Variants in SLC35D4 observed in about 807,000 individuals in gnomAD.
SLC35D4 encodes UDP-N-acetylglucosamine transporter SLC35D4.
At chr18:23,303,648 C>T in the SLC35D4 span, among the ~76,000 whole-genome samples, 6 of 152,230 alleles carry the variant, frequency 3.9e-5, no homozygotes, top group African/African-American at 1.4e-4. Flanking sequence ...CGCCTGTAAT[C>T]CCAGCACTTT....
the SLC35D4 span, among the ~76,000 whole-genome samples, chr18:23,264,352 CCTTTTTTT>C: frequency 7.6e-5 from 9 of 118,702 alleles, no homozygotes; most frequent in African/African-American, 2.7e-4. Context: ...ACACTTTATT[CCTTTTTTT>C]TTTTTTTTTT....
At chr18:23,353,827 C>A in the SLC35D4 span, among the ~76,000 whole-genome samples, 1 of 152,206 alleles carries the variant, frequency 6.6e-6, no homozygotes, top group African/African-American at 2.4e-5. Flanking sequence ...CCAAATCCCC[C>A]TTCCCACCTT....
chr18:23,414,878 G>A, the SLC35D4 span, among the ~76,000 whole-genome samples: 2 of 152,130 alleles, frequency 1.3e-5, no homozygotes, highest in Non-Finnish European at 2.9e-5. Flanking sequence ...ACTTTGAGAG[G>A]CCATCAGGAG....
chr18:23,265,264 G>A, the SLC35D4 span, among the ~76,000 whole-genome samples: 17 of 152,170 alleles, frequency 1.1e-4, 1 homozygote, highest in Middle Eastern at 3.4e-3. Context: ...TGTGTTCCAC[G>A]GCCCAGCCTC....
At chr18:23,314,871 A>G in the SLC35D4 span, among the ~76,000 whole-genome samples, 1 of 152,238 alleles carries the variant, frequency 6.6e-6, no homozygotes, top group African/African-American at 2.4e-5. Context: ...TGTCAGCCGC[A>G]GGGCTTTGAA....
At chr18:23,407,012 G>A in the SLC35D4 span, among the ~76,000 whole-genome samples, 2 of 152,056 alleles carry the variant, frequency 1.3e-5, no homozygotes, top group African/African-American at 4.8e-5. Context: ...GTCTCCCTGT[G>A]TTTCTCAGGC....
the SLC35D4 span, among the ~76,000 whole-genome samples, chr18:23,369,558 G>A: frequency 6.6e-6 from 1 of 152,186 alleles, no homozygotes; most frequent in African/African-American, 2.4e-5. Context: ...CTGTCCCTCT[G>A]TGCTTGATGC....
At chr18:23,287,144 C>A in the SLC35D4 span, among the ~76,000 whole-genome samples, 3 of 152,288 alleles carry the variant, frequency 2.0e-5, no homozygotes, top group East Asian at 5.8e-4. Context: ...ACAATTCCCC[C>A]ATTTTACCTG....
chr18:23,258,278 A>G, the SLC35D4 span: 5 of 152,636 alleles, frequency 3.3e-5, no homozygotes, highest in East Asian at 9.6e-4. Context: ...CCTGTCCTCT[A>G]TGTTAGAGTG....
At chr18:23,275,016 T>TGCGTGAGTGTGCGTATGC in the SLC35D4 span, among the ~76,000 whole-genome samples, 1 of 149,216 alleles carries the variant, frequency 6.7e-6, no homozygotes, top group Non-Finnish European at 1.5e-5. Context: ...TGTATGTGTG[T>TGCGTGAGTGTGCGTATGC]GCTTGTGTGT....
the SLC35D4 span, among the ~76,000 whole-genome samples, chr18:23,314,093 G>A: frequency 2.0e-5 from 3 of 152,136 alleles, no homozygotes; most frequent in Non-Finnish European, 2.9e-5. Context: ...ATGCTCCAGC[G>A]GACACTACAC....
the SLC35D4 span, among the ~76,000 whole-genome samples, chr18:23,246,472 A>G: frequency 9.9e-5 from 15 of 151,894 alleles, no homozygotes; most frequent in South Asian, 2.1e-4. Context: ...GCTCACTGCA[A>G]GCTCCGCCTC....
the SLC35D4 span, among the ~76,000 whole-genome samples, chr18:23,339,811 C>T: frequency 1.2e-4 from 19 of 152,138 alleles, no homozygotes; most frequent in Admixed American, 4.6e-4. Context: ...CTCTCTGGGA[C>T]CTCTTTTACA....
chr18:23,308,324 G>A, the SLC35D4 span, among the ~76,000 whole-genome samples: 8 of 152,132 alleles, frequency 5.3e-5, no homozygotes, highest in East Asian at 3.9e-4. Flanking sequence ...CTGATTTGGC[G>A]AACGATCTAT....
At chr18:23,334,320 A>C in the SLC35D4 span, among the ~76,000 whole-genome samples, 3 of 152,170 alleles carry the variant, frequency 2.0e-5, no homozygotes, top group Non-Finnish European at 4.4e-5. Context: ...CTTGTGCAGC[A>C]ATCCCCACCC....
At chr18:23,257,186 A>G in the SLC35D4 span, 1 of 1,604,488 alleles carries the variant, frequency 6.2e-7, no homozygotes, top group Non-Finnish European at 8.5e-7. Flanking sequence ...TAGGATTTTA[A>G]TTTCAAAATG....
chr18:23,247,250 A>G, the SLC35D4 span, among the ~76,000 whole-genome samples: 1 of 152,208 alleles, frequency 6.6e-6, no homozygotes, highest in Non-Finnish European at 1.5e-5. Flanking sequence ...CCGGAGAATC[A>G]TGACCTCCTG....
At chr18:23,355,290 C>T in the SLC35D4 span, among the ~76,000 whole-genome samples, 2 of 152,160 alleles carry the variant, frequency 1.3e-5, no homozygotes, top group Non-Finnish European at 2.9e-5. Context: ...ATTGTCACCC[C>T]ACAAAGCCAA....
the SLC35D4 span, among the ~76,000 whole-genome samples, chr18:23,302,087 G>T: frequency 6.6e-6 from 1 of 152,220 alleles, no homozygotes; most frequent in Admixed American, 6.5e-5. Flanking sequence ...GAGATGCAAA[G>T]GTGAATGAAA....
Sources: gnomAD v4.1 joint callset for allele counts (sites outside exome capture counted in the v4.1 genomes callset) on GRCh38, gnomAD v4.1.1 for gene constraint, MANE v1.5 for transcripts, NCBI Gene and HGNC (gene_info 2026-07-23, HGNC 2026-07-21) for gene names.